Variants in C12orf54 observed in about 807,000 individuals in gnomAD.
The protein encoded by C12orf54 is uncharacterized protein C12orf54.
C12orf54 carries 24 observed loss-of-function variants against 26.4 expected under a neutral mutation model. The ratio of observed to expected loss-of-function variants is 0.91; its 90% CI spans 0.66 to 1.28. C12orf54 has a LOEUF of 1.28. Among genes scored for constraint, C12orf54 ranks in the 50% most tolerant of loss-of-function variants. C12orf54 has a pLI of 0.00. For synonymous variants in C12orf54, 54 were observed against 47.0 expected, an observed-to-expected ratio of 1.15 and a Z score of -0.61; for missense variants, 154 against 150.9, an observed-to-expected ratio of 1.02 and a Z score of -0.11.
chr12:48,436,314 A>G, the C12orf54 span, among the ~76,000 whole-genome samples: 1 of 152,328 alleles, frequency 6.6e-6, no homozygotes, highest in African/African-American at 2.4e-5. Context: ...ATAATGGGAC[A>G]CTTTAACACC....
the C12orf54 span, among the ~76,000 whole-genome samples, chr12:48,453,574 C>CATATACACATATATATGTGTAT: frequency 0.026 from 2,105 of 81,946 alleles, 245 homozygotes; most frequent in African/African-American, 0.065. Flanking sequence ...TATATATACA[C>CATATACACATATATATGTGTAT]ATATACACAT....
chr12:48,469,053 A>T, the C12orf54 span, among the ~76,000 whole-genome samples: 1 of 152,214 alleles, frequency 6.6e-6, no homozygotes, highest in Middle Eastern at 3.2e-3. Context: ...AAATGGGGGC[A>T]GAGCAAGATC....
chr12:48,462,560 T>A, the C12orf54 span, among the ~76,000 whole-genome samples: 1 of 151,760 alleles, frequency 6.6e-6, no homozygotes, highest in East Asian at 1.9e-4. Context: ...GGGTTTACTC[T>A]AAGAATGCAA....
the C12orf54 span, among the ~76,000 whole-genome samples, chr12:48,465,340 A>T: frequency 1.1e-4 from 16 of 152,368 alleles, no homozygotes; most frequent in African/African-American, 3.8e-4. Context: ...CATTAGAGAA[A>T]TGTGAATAAA....
intron 5 of C12orf54, among the ~76,000 whole-genome samples, chr12:48,490,164 C>G (rs61940777): frequency 6.6e-6 from 1 of 152,108 alleles, no homozygotes; most frequent in Admixed American, 6.5e-5. Context: ...AGATGTGAGG[C>G]CTTGGTATGA....
the C12orf54 span, among the ~76,000 whole-genome samples, chr12:48,428,993 G>T: frequency 2.8e-4 from 43 of 152,222 alleles, no homozygotes; most frequent in East Asian, 5.8e-4. Flanking sequence ...TCATACCAGG[G>T]ATGCAGAGAC....
the C12orf54 span, among the ~76,000 whole-genome samples, chr12:48,414,376 G>T: frequency 6.6e-6 from 1 of 152,154 alleles, no homozygotes; most frequent in Admixed American, 6.5e-5. Flanking sequence ...CGGAAAATCT[G>T]GTTTTCTTTT....
At chr12:48,483,537 A>C (rs1592198498) in intron 2 of C12orf54, 176 bp downstream of exon 2, 1 of 569,462 alleles carries the variant, frequency 1.8e-6, no homozygotes, top group East Asian at 3.0e-5. Context: ...GAAAGAGATA[A>C]TAGCAAATCT....
the C12orf54 span, among the ~76,000 whole-genome samples, chr12:48,438,900 C>T: frequency 0.042 from 6,443 of 152,100 alleles, 464 homozygotes; most frequent in African/African-American, 0.15. Context: ...CCCAAAATGA[C>T]AAATGGGATC....
chr12:48,426,585 T>C, the C12orf54 span, among the ~76,000 whole-genome samples: 2 of 152,286 alleles, frequency 1.3e-5, no homozygotes, highest in South Asian at 4.1e-4. Context: ...TGGTTCCGTA[T>C]GAATTTTAAA....
At chr12:48,447,210 C>CTG in the C12orf54 span, among the ~76,000 whole-genome samples, 1 of 77,056 alleles carries the variant, frequency 1.3e-5, no homozygotes, top group African/African-American at 5.1e-5. Flanking sequence ...CTCTCTCTTA[C>CTG]TCTGTGTGTG....
chr12:48,421,985 A>G, the C12orf54 span, among the ~76,000 whole-genome samples: 1 of 152,228 alleles, frequency 6.6e-6, no homozygotes, highest in Admixed American at 6.5e-5. Context: ...CAAAACTAAG[A>G]GAACTAATAA....
the C12orf54 span, among the ~76,000 whole-genome samples, chr12:48,435,096 G>A: frequency 1.3e-5 from 2 of 152,140 alleles, no homozygotes; most frequent in Non-Finnish European, 2.9e-5. Context: ...ACTATGGCAC[G>A]AGAACTACCT....
the C12orf54 span, among the ~76,000 whole-genome samples, chr12:48,424,172 C>G: frequency 2.0e-5 from 3 of 152,056 alleles, no homozygotes; most frequent in South Asian, 2.1e-4. Context: ...ATGCTAAGAG[C>G]AACCTTGCAT....
the C12orf54 span, among the ~76,000 whole-genome samples, chr12:48,427,922 A>G: frequency 6.6e-6 from 1 of 152,100 alleles, no homozygotes; most frequent in Non-Finnish European, 1.5e-5. Flanking sequence ...ATGATAGGCC[A>G]CAAAACAAGC....
the C12orf54 span, among the ~76,000 whole-genome samples, chr12:48,435,476 G>C: frequency 2.6e-5 from 4 of 152,164 alleles, no homozygotes; most frequent in Admixed American, 2.6e-4. Flanking sequence ...CATCAAAGTG[G>C]AAATGAAGGA....
the C12orf54 span, among the ~76,000 whole-genome samples, chr12:48,466,810 T>C: frequency 6.6e-6 from 1 of 152,150 alleles, no homozygotes; most frequent in Non-Finnish European, 1.5e-5. Flanking sequence ...CCCTACCATA[T>C]GTCCCAGCCA....
chr12:48,446,964 G>A, the C12orf54 span, among the ~76,000 whole-genome samples: 3 of 152,030 alleles, frequency 2.0e-5, no homozygotes, highest in African/African-American at 4.8e-5. Context: ...CCATCTATGA[G>A]CATTTTCTTT....
the C12orf54 span, among the ~76,000 whole-genome samples, chr12:48,476,712 T>A: frequency 4.0e-5 from 6 of 150,834 alleles, no homozygotes; most frequent in Admixed American, 2.0e-4. Context: ...TAAATATATA[T>A]GCACCCAATA....
Sources: allele counts gnomAD v4.1 joint callset (sites outside exome capture counted in the v4.1 genomes callset), GRCh38; gene constraint gnomAD v4.1.1; transcripts MANE v1.5; gene names NCBI Gene and HGNC (gene_info 2026-07-23, HGNC 2026-07-21).